IMMP2L: variants seen among roughly 807,000 people sequenced by gnomAD.
IMMP2L encodes inner mitochondrial membrane peptidase subunit 2.
Under a neutral mutation model 19.3 loss-of-function variants are expected in IMMP2L, and 18 were observed. The ratio of observed to expected loss-of-function variants is 0.93; its 90% CI spans 0.64 to 1.38. The LOEUF (loss-of-function observed/expected upper bound fraction) is 1.38, where lower values mean the gene tolerates loss of function less well. Ranked by LOEUF, IMMP2L falls within the 40% of genes most tolerant of loss-of-function variation. IMMP2L has a pLI of 0.00. For missense variants in IMMP2L, 233 were observed against 218.2 expected, an observed-to-expected ratio of 1.07 and a Z score of -0.43; for synonymous variants, 76 against 73.0, an observed-to-expected ratio of 1.04 and a Z score of -0.21.
rs975080364 is a variant in IMMP2L, at chr7:111,451,359, A to C, written c.239+35879T>G. ...TAGATTAAGAAAATGTGGCACATATACACCATGGAATACTATGCAGCCATA... is the reference window on the plus strand; with the variant it reads ...TAGATTAAGAAAATGTGGCACATATCCACCATGGAATACTATGCAGCCATA... On this transcript the variant is annotated intron_variant, in intron 3 of 5. Coordinates refer to ENST00000405709, the MANE Select transcript of IMMP2L (RefSeq NM_032549.4). Among the ~76,000 whole-genome samples, 35 of 151,496 alleles carry C rather than the reference A, an allele frequency of 2.3e-4. 1 individual carries two copies. Among genetic ancestry groups the C allele is most frequent in the African/African-American group, 7.8e-4 (32 of 41,138 alleles).
intron 3 of IMMP2L, among the ~76,000 whole-genome samples, chr7:111,067,081 T>C (rs1256358675): frequency 6.6e-6 from 1 of 152,236 alleles, no homozygotes; most frequent in Non-Finnish European, 1.5e-5. Context: ...TCATGTCTGG[T>C]ACTTTCCTGG....
At chr7:111,443,693 T>A (rs938587116) in intron 3 of IMMP2L, among the ~76,000 whole-genome samples, 1 of 152,206 alleles carries the variant, frequency 6.6e-6, no homozygotes, top group Non-Finnish European at 1.5e-5. Context: ...GTGCAATTAT[T>A]AAAATATCGG....
intron 5 of IMMP2L, among the ~76,000 whole-genome samples, chr7:110,738,683 T>C (rs983262262): frequency 6.6e-6 from 1 of 152,304 alleles, no homozygotes; most frequent in Non-Finnish European, 1.5e-5. Context: ...CCAGCCTTGC[T>C]AGAGATCTAG....
At chr7:111,021,041 T>C (rs543117251) in intron 3 of IMMP2L, among the ~76,000 whole-genome samples, 1 of 152,296 alleles carries the variant, frequency 6.6e-6, no homozygotes, top group African/African-American at 2.4e-5. Flanking sequence ...TGCCAAAAAA[T>C]AATGTGTAGT....
intron 3 of IMMP2L, among the ~76,000 whole-genome samples, chr7:110,972,305 T>C (rs910264179): frequency 9.9e-5 from 15 of 152,076 alleles, no homozygotes; most frequent in African/African-American, 3.6e-4. Context: ...TATCAGAAAG[T>C]TTTTCTATAT....
At chr7:111,002,198 A>C (rs1240779079) in intron 3 of IMMP2L, among the ~76,000 whole-genome samples, 1 of 152,170 alleles carries the variant, frequency 6.6e-6, no homozygotes. Context: ...ATCAGTACAG[A>C]GTAGAAGACA....
At chr7:110,856,469 G>T (rs143290691) in intron 5 of IMMP2L, among the ~76,000 whole-genome samples, 1 of 152,018 alleles carries the variant, frequency 6.6e-6, no homozygotes, top group Admixed American at 6.6e-5. Context: ...CAAGACAAAA[G>T]CAGCTTCCAT....
At position 110,851,661 on chromosome 7, in the gene IMMP2L, C is replaced by G. The variant is rs78115254; in HGVS notation, c.408+34932G>C. Among the ~76,000 whole-genome samples the G allele has an allele frequency of 4.1e-3, 626 of 152,224 alleles. 32 individuals carry two copies. The East Asian group carries it at 0.083, about 20-fold the overall frequency. On this transcript the variant is annotated intron_variant, in intron 5 of 5. Coordinates refer to ENST00000405709, the MANE Select transcript of IMMP2L (RefSeq NM_032549.4). ...GAAGGGAAATGAGGCAAGAAAGCCACTTACCCTCTAGGATTGAACTAACTC... is the reference window on the plus strand; with the variant it reads ...GAAGGGAAATGAGGCAAGAAAGCCAGTTACCCTCTAGGATTGAACTAACTC...
At chr7:111,327,016 T>C (rs1467817648) in intron 3 of IMMP2L, among the ~76,000 whole-genome samples, 1 of 151,720 alleles carries the variant, frequency 6.6e-6, no homozygotes, top group East Asian at 1.9e-4. Context: ...TTACATACTC[T>C]AGAATATTAT....
chr7:110,937,764 T>A (rs1816281833), intron 4 of IMMP2L, among the ~76,000 whole-genome samples: 1 of 152,144 alleles, frequency 6.6e-6, no homozygotes, highest in Non-Finnish European at 1.5e-5. Context: ...TTATACTATG[T>A]CCTGGCAGAA....
intron 3 of IMMP2L, among the ~76,000 whole-genome samples, chr7:111,301,060 C>T (rs1422811066): frequency 2.6e-5 from 4 of 152,062 alleles, no homozygotes; most frequent in African/African-American, 9.7e-5. Flanking sequence ...TGTATCCTAT[C>T]AGCAATATTA....
At chr7:110,734,153 T>C (rs1427487509) in intron 5 of IMMP2L, among the ~76,000 whole-genome samples, 2 of 152,178 alleles carry the variant, frequency 1.3e-5, no homozygotes, top group Non-Finnish European at 2.9e-5. Context: ...CAGAGGGGCA[T>C]TGAGGGCAAT....
At chr7:110,966,516 T>C (rs1335909485) in intron 3 of IMMP2L, among the ~76,000 whole-genome samples, 1 of 152,020 alleles carries the variant, frequency 6.6e-6, no homozygotes, top group Non-Finnish European at 1.5e-5. Context: ...ATGCCAACAA[T>C]GTTTAAGCTT....
At chr7:111,273,291 T>C (rs1818674889) in intron 3 of IMMP2L, among the ~76,000 whole-genome samples, 2 of 151,564 alleles carry the variant, frequency 1.3e-5, no homozygotes, top group Admixed American at 6.6e-5. Flanking sequence ...AAAAAATATA[T>C]ACATACCTCA....
At chr7:111,479,602 T>A (rs1468406341) in intron 3 of IMMP2L, among the ~76,000 whole-genome samples, 1 of 152,168 alleles carries the variant, frequency 6.6e-6, no homozygotes, top group African/African-American at 2.4e-5. Context: ...TTATGTAAAC[T>A]TACATTCAAA....
chr7:111,495,598 AT>A (rs1442828331), intron 2 of IMMP2L, among the ~76,000 whole-genome samples: 1 of 152,178 alleles, frequency 6.6e-6, no homozygotes, highest in Non-Finnish European at 1.5e-5. Context: ...GTTTGGAAGA[AT>A]TTATCTTTCG....
chr7:111,313,844 A>G (rs1563047444), intron 3 of IMMP2L, among the ~76,000 whole-genome samples: 1 of 152,116 alleles, frequency 6.6e-6, no homozygotes, highest in African/African-American at 2.4e-5. Context: ...TTGAACTGCA[A>G]TCCCCAGCAC....
At chr7:110,676,849 T>C (rs537781464) in intron 5 of IMMP2L, among the ~76,000 whole-genome samples, 121 of 152,274 alleles carry the variant, frequency 7.9e-4, no homozygotes, top group Admixed American at 3.6e-3. Context: ...TCTTTCTGGA[T>C]TGGGTACCAC....
intron 3 of IMMP2L, among the ~76,000 whole-genome samples, chr7:111,062,392 A>T (rs1322533451): frequency 2.0e-5 from 3 of 152,206 alleles, no homozygotes; most frequent in African/African-American, 4.8e-5. Context: ...AGTTTCTCCC[A>T]TGACACATGG....
Sources: allele counts gnomAD v4.1 joint callset (sites outside exome capture counted in the v4.1 genomes callset), GRCh38; gene constraint gnomAD v4.1.1; transcripts MANE v1.5; gene names NCBI Gene and HGNC (gene_info 2026-07-23, HGNC 2026-07-21).